HS3ST1: variants seen among roughly 807,000 people sequenced by gnomAD.
The protein encoded by HS3ST1 is heparan sulfate glucosamine 3-O-sulfotransferase 1.
HS3ST1 carries 8 observed loss-of-function variants against 20.7 expected under a neutral mutation model. That is an observed-to-expected ratio of 0.39 (90% confidence interval 0.23 to 0.70). The LOEUF (loss-of-function observed/expected upper bound fraction) is 0.70. HS3ST1 is among the 30% of genes least tolerant of loss of function. The pLI, the probability that HS3ST1 is intolerant of heterozygous loss-of-function variation, is 0.46. For synonymous variants in HS3ST1, 205 were observed against 190.4 expected (o/e 1.08, Z -0.63); for missense variants, 436 against 423.4 (o/e 1.03, Z -0.26).
chr4:11,399,310 C>T lies in HS3ST1; in HGVS notation c.696G>A (p.Glu232=). The part of the protein sequence containing the change: ...RDPFPEIQKV[E]RFLKLSPQIN... ...TCTGCGGCGACAGCTTTAGGAACCT[C>T]TCGACCTTTTGGATCTCAGGGAAGG... is the stretch of plus-strand genomic sequence containing the variant. Residue 232 remains glutamate, a synonymous_variant, in exon 2 of 2, where the codon GAG becomes GAA. Coordinates refer to ENST00000002596, the MANE Select transcript of HS3ST1 (RefSeq NM_005114.4). The surrounding 1 kb of genome is among the most constrained non-coding windows in gnomAD (Gnocchi z 5.1). The T allele has an allele frequency of 1.2e-6, 2 of 1,614,148 alleles. No individual in the cohort carries two copies. The highest frequency in any genetic ancestry group is 1.7e-6 in the Non-Finnish European group (2 of 1,180,028).
rs1337454006 is a variant in HS3ST1, at chr4:11,398,101, C to G, written c.*981G>C. On this transcript the variant is annotated 3_prime_UTR_variant, in exon 2 of 2. Transcript: ENST00000002596. ...CTTACTTTTTCTTTCACATTCAGGACTCCAAATTTAGAGTTGATTTTGAAA... is the reference window on the plus strand; with the variant it reads ...CTTACTTTTTCTTTCACATTCAGGAGTCCAAATTTAGAGTTGATTTTGAAA... The G allele has an allele frequency of 2.0e-5, 3 of 152,178 alleles. No homozygotes were observed. The highest frequency in any genetic ancestry group is 7.2e-5 in the African/African-American group (3 of 41,432). 9.4% of individuals were successfully genotyped at this position (152,178 alleles called of 1,614,324 possible).
rs1577432593 is a variant in HS3ST1 at position 11,395,285 on chromosome 4, A to G, written c.*3797T>C. 1 of 151,622 alleles carries G rather than the reference A, an allele frequency of 6.6e-6. No individual in the cohort carries two copies. The highest frequency in any genetic ancestry group is 2.4e-5 in the African/African-American group (1 of 41,214). 9.4% of individuals were successfully genotyped at this position (151,622 alleles called of 1,614,324 possible). On this transcript the variant is annotated 3_prime_UTR_variant, in exon 2 of 2. Transcript: ENST00000002596. ...CATGCGACCTCTGGGAAGATTCTCT[A>G]TTTCTTAATATTTCTGAGAAATGAC... is the stretch of plus-strand genomic sequence containing the variant.
At chr4:11,402,770 A>G (rs1718358688) in intron 1 of HS3ST1, among the ~76,000 whole-genome samples, 1 of 152,214 alleles carries the variant, frequency 6.6e-6, no homozygotes, top group African/African-American at 2.4e-5. Flanking sequence ...TCTGAAATTC[A>G]TATTATCTGA....
At chr4:11,405,610 G>T (rs1404099846) in intron 1 of HS3ST1, among the ~76,000 whole-genome samples, 3 of 152,044 alleles carry the variant, frequency 2.0e-5, no homozygotes, top group African/African-American at 7.2e-5. Flanking sequence ...GGAAGGTACT[G>T]GGAACATATT....
At chr4:11,421,447 C>T (rs1162293881) in intron 1 of HS3ST1, among the ~76,000 whole-genome samples, 2 of 152,242 alleles carry the variant, frequency 1.3e-5, no homozygotes, top group Non-Finnish European at 2.9e-5. Flanking sequence ...CCAGCCCACT[C>T]TCATTCCCTG....
In HS3ST1 at chr4:11,399,483, C is replaced by G. The variant is rs757811788; in HGVS notation, c.523G>C (p.Glu175Gln). ...CTGCCATCGCGCACCAGGAACTCCT[C>G]GATGGACGGGTAGGGCTTGTGCTTC... The part of the protein sequence containing the change: ...MQKHKPYPSI[E>Q]EFLVRDGRLN... The change falls in exon 2 of 2, where the codon GAG becomes CAG. Residue 175 changes from glutamate to glutamine, a missense_variant. Coordinates refer to ENST00000002596, the MANE Select transcript of HS3ST1 (RefSeq NM_005114.4). The surrounding 1 kb of genome is among the most constrained non-coding windows in gnomAD (Gnocchi z 5.1). 6.2e-7 allele frequency: 1 copy of G among 1,613,876 alleles called. No homozygotes were observed. Among genetic ancestry groups the G allele is most frequent in the Admixed American group, 1.7e-5 (1 of 60,004 alleles).
rs1718106551 is a variant in HS3ST1, at chr4:11,395,281, C to T, written c.*3801G>A. Reference sequence around the variant, plus strand: ...CTGACATGCGACCTCTGGGAAGATTCTCTATTTCTTAATATTTCTGAGAAA... The same window carrying T: ...CTGACATGCGACCTCTGGGAAGATTTTCTATTTCTTAATATTTCTGAGAAA... On this transcript the variant is annotated 3_prime_UTR_variant, in exon 2 of 2. Transcript: ENST00000002596. 6.6e-6 allele frequency: 1 copy of T among 152,032 alleles called. No individual in the cohort carries two copies. Among genetic ancestry groups the T allele is most frequent in the African/African-American group, 2.4e-5 (1 of 41,378 alleles). 9.4% of individuals were successfully genotyped at this position (152,032 alleles called of 1,614,324 possible). A position where few individuals can be genotyped will look rare whatever the true frequency, so the allele number is the denominator to read the frequency against.
chr4:11,407,736 G>A (rs1023291507), intron 1 of HS3ST1, among the ~76,000 whole-genome samples: 1 of 152,222 alleles, frequency 6.6e-6, no homozygotes, highest in Non-Finnish European at 1.5e-5. Flanking sequence ...ATCAGGCATA[G>A]TGCTTTCCAA....
At chr4:11,423,021 CAAAAAAAAAAAAAA>C (rs71181101) in intron 1 of HS3ST1, among the ~76,000 whole-genome samples, 14 of 34,386 alleles carry the variant, frequency 4.1e-4, no homozygotes, top group Admixed American at 5.2e-4. Context: ...GAGACACCGT[CAAAAAAAAAAAAAA>C]AAAAAAAAAA....
rs554456408 is a variant in HS3ST1 at position 11,397,154 on chromosome 4, A to C, written c.*1928T>G. The C allele has an allele frequency of 7.9e-5, 12 of 152,358 alleles. No homozygotes were observed. In the South Asian group the frequency reaches 1.0e-3, roughly 13 times the overall value. The allele number at this position is 152,358 out of a possible 1,614,324, so 9.4% of individuals were successfully genotyped here. A position where few individuals can be genotyped will look rare whatever the true frequency, so the allele number is the denominator to read the frequency against. On this transcript the variant is annotated 3_prime_UTR_variant, in exon 2 of 2. Transcript: ENST00000002596. ...AAAGCAAGATCCAACGATGTGCTGC[A>C]GAGGGAGGCTCTCTGCCTATTGAAA...
chr4:11,432,419 T>C (rs1157852063), upstream of HS3ST1, among the ~76,000 whole-genome samples: 2 of 152,226 alleles, frequency 1.3e-5, no homozygotes, highest in Non-Finnish European at 2.9e-5. Flanking sequence ...ACTTTCCAAG[T>C]CCTGATTTAG....
chr4:11,425,454 A>G (rs1183398986), intron 1 of HS3ST1, among the ~76,000 whole-genome samples: 1 of 152,240 alleles, frequency 6.6e-6, no homozygotes, highest in African/African-American at 2.4e-5. Context: ...AAAAGGAAAA[A>G]CACTCTAAAA....
chr4:11,417,550 G>A (rs1222788649), intron 1 of HS3ST1, among the ~76,000 whole-genome samples: 1 of 152,220 alleles, frequency 6.6e-6, no homozygotes, highest in Non-Finnish European at 1.5e-5. Flanking sequence ...AAGTGATGTG[G>A]CTAGGACTTG....
intron 1 of HS3ST1, among the ~76,000 whole-genome samples, chr4:11,417,636 A>G (rs1420314700): frequency 2.0e-5 from 3 of 152,242 alleles, no homozygotes; most frequent in Non-Finnish European, 2.9e-5. Flanking sequence ...AACATTCTGA[A>G]TTATGGGACT....
At chr4:11,408,814 G>T (rs1218471400) in intron 1 of HS3ST1, among the ~76,000 whole-genome samples, 2 of 152,236 alleles carry the variant, frequency 1.3e-5, no homozygotes, top group African/African-American at 2.4e-5. Flanking sequence ...GACCTGGGCT[G>T]CCTTGGGCCC....
intron 1 of HS3ST1, among the ~76,000 whole-genome samples, chr4:11,410,047 AAAAAAT>A (rs1359671842): frequency 2.6e-5 from 4 of 152,208 alleles, no homozygotes; most frequent in African/African-American, 7.2e-5. Flanking sequence ...GAAGAAAAGG[AAAAAAT>A]AAAAATAAAA....
chr4:11,406,046 A>T (rs1156427904), intron 1 of HS3ST1, among the ~76,000 whole-genome samples: 1 of 152,234 alleles, frequency 6.6e-6, no homozygotes, highest in Non-Finnish European at 1.5e-5. Context: ...ACACTGTCAC[A>T]GGCAGGAATC....
Position 11,398,547 on chromosome 4 carries a change from A to C in HS3ST1, c.*535T>G, listed in dbSNP as rs1244619570. Reference sequence around the variant, plus strand: ...GGAATGAGTAAAACTGTGACCTCCAAAAATGACAAGGAATCGCCGAGGAGA... The same window carrying C: ...GGAATGAGTAAAACTGTGACCTCCACAAATGACAAGGAATCGCCGAGGAGA... On this transcript the variant is annotated 3_prime_UTR_variant, in exon 2 of 2. Coordinates refer to ENST00000002596, the MANE Select transcript of HS3ST1 (RefSeq NM_005114.4). The C allele has an allele frequency of 6.6e-6, 1 of 152,344 alleles. No homozygotes were observed. Among genetic ancestry groups the C allele is most frequent in the Non-Finnish European group, 1.5e-5 (1 of 68,136 alleles). The allele number at this position is 152,344 out of a possible 1,614,324, so 9.4% of individuals were successfully genotyped here.
At position 11,398,983 on chromosome 4, in the gene HS3ST1, A is replaced by G; in HGVS notation, c.*99T>C. ...ACAGAAGTACTTTATGGATTTTACA[A>G]ATAAATTATACCTTAAATGCTTTTT... On this transcript the variant is annotated 3_prime_UTR_variant, in exon 2 of 2. Transcript: ENST00000002596. The G allele has an allele frequency of 1.8e-6, 2 of 1,091,778 alleles. No individual in the cohort carries two copies. Among genetic ancestry groups the G allele is most frequent in the Non-Finnish European group, 2.6e-6 (2 of 760,754 alleles). The allele number at this position is 1,091,778 out of a possible 1,614,324, so 67.6% of individuals were successfully genotyped here. A position where few individuals can be genotyped will look rare whatever the true frequency, so the allele number is the denominator to read the frequency against.
Sources: allele counts gnomAD v4.1 joint callset (sites outside exome capture counted in the v4.1 genomes callset), GRCh38; gene constraint gnomAD v4.1.1; non-coding constraint Gnocchi (gnomAD v3.1); transcripts MANE v1.5; gene names NCBI Gene and HGNC (gene_info 2026-07-23, HGNC 2026-07-21).